The following SUGCT variants were observed in gnomAD, a reference collection of about 807,000 sequenced individuals.
SUGCT encodes the protein succinyl-CoA:glutarate-CoA transferase.
SUGCT carries 41 observed loss-of-function variants against 55.0 expected under a neutral mutation model. That is an observed-to-expected ratio of 0.74 (90% CI 0.58 to 0.97). The LOEUF (loss-of-function observed/expected upper bound fraction) is 0.97. Among genes scored for constraint, SUGCT ranks in the 50% least tolerant of loss-of-function variants. The pLI is 0.00. For synonymous variants in SUGCT, 187 were observed against 200.4 expected (o/e 0.93, Z 0.56); for missense variants, 568 against 547.8 (o/e 1.04, Z -0.37).
At chr7:40,136,350 G>A (rs778638929) in intron 1 of SUGCT, among the ~76,000 whole-genome samples, 2 of 152,132 alleles carry the variant, frequency 1.3e-5, no homozygotes, top group Non-Finnish European at 2.9e-5. Flanking sequence ...ATAGCCTAAC[G>A]GGTAGCCTGG....
At chr7:40,671,053 A>G (rs1025029468) in intron 12 of SUGCT, among the ~76,000 whole-genome samples, 1 of 152,186 alleles carries the variant, frequency 6.6e-6, no homozygotes, top group African/African-American at 2.4e-5. Context: ...CCATGACTAA[A>G]TTGGGTTTAT....
intron 9 of SUGCT, among the ~76,000 whole-genome samples, chr7:40,368,534 A>G (rs756202000): frequency 1.3e-5 from 2 of 152,110 alleles, no homozygotes; most frequent in Non-Finnish European, 2.9e-5. Flanking sequence ...TCTTACTTAC[A>G]CAGAAGCTGA....
At chr7:40,699,562 A>G (rs781249912) in intron 12 of SUGCT, among the ~76,000 whole-genome samples, 1 of 152,196 alleles carries the variant, frequency 6.6e-6, no homozygotes, top group Non-Finnish European at 1.5e-5. Context: ...TTTGAAATAT[A>G]TAAAGGGTGT....
chr7:40,497,231 C>A (rs1792032147), intron 12 of SUGCT, among the ~76,000 whole-genome samples: 1 of 152,086 alleles, frequency 6.6e-6, no homozygotes, highest in African/African-American at 2.4e-5. Context: ...ATATTTATAT[C>A]GTGGCAGGTT....
chr7:40,429,912 T>C (rs959149388), intron 9 of SUGCT, among the ~76,000 whole-genome samples: 2 of 152,208 alleles, frequency 1.3e-5, no homozygotes, highest in Admixed American at 6.5e-5. Context: ...ACATATTAAG[T>C]GAGATTATGC....
the SUGCT span, among the ~76,000 whole-genome samples, chr7:41,003,264 C>G: frequency 1.3e-5 from 2 of 152,022 alleles, no homozygotes; most frequent in Admixed American, 6.6e-5. Flanking sequence ...CAAGCTTGTT[C>G]CATTTACCTT....
intron 13 of SUGCT, among the ~76,000 whole-genome samples, chr7:40,821,100 C>A (rs983998355): frequency 2.1e-4 from 32 of 152,284 alleles, no homozygotes; most frequent in South Asian, 1.7e-3. Flanking sequence ...AACCTTGCAT[C>A]CCAGGGATGA....
chr7:40,366,742 A>AT (rs1440711330), intron 9 of SUGCT, among the ~76,000 whole-genome samples: 1,576 of 149,796 alleles, frequency 0.011, 29 homozygotes, highest in African/African-American at 0.038. Context: ...TTAGAATGGC[A>AT]GTCATTAAAA....
At chr7:40,594,117 T>C (rs1276463004) in intron 12 of SUGCT, among the ~76,000 whole-genome samples, 1 of 151,914 alleles carries the variant, frequency 6.6e-6, no homozygotes, top group Non-Finnish European at 1.5e-5. Flanking sequence ...TAGGTGGGAA[T>C]TGAACAATGA....
At chr7:40,819,205 C>T (rs528669003) in intron 13 of SUGCT, among the ~76,000 whole-genome samples, 43 of 152,154 alleles carry the variant, frequency 2.8e-4, no homozygotes, top group African/African-American at 8.4e-4. Flanking sequence ...GTGAATAGTG[C>T]CGCAATAAAC....
intron 12 of SUGCT, among the ~76,000 whole-genome samples, chr7:40,631,650 T>C (rs1438493572): frequency 1.3e-5 from 2 of 152,228 alleles, no homozygotes; most frequent in East Asian, 3.9e-4. Context: ...GATCGGATTC[T>C]GCCTGCAGAT....
At chr7:40,193,582 G>A (rs1272515159) in intron 5 of SUGCT, among the ~76,000 whole-genome samples, 2 of 151,270 alleles carry the variant, frequency 1.3e-5, no homozygotes, top group African/African-American at 4.9e-5. Context: ...CACTATGCCC[G>A]GCCAATTTAT....
chr7:40,360,453 G>A (rs1174767653), intron 9 of SUGCT, among the ~76,000 whole-genome samples: 3 of 152,172 alleles, frequency 2.0e-5, no homozygotes, highest in African/African-American at 7.2e-5. Context: ...AACAAATGCT[G>A]AGCACCAACA....
the SUGCT span, among the ~76,000 whole-genome samples, chr7:40,887,310 G>A: frequency 6.6e-6 from 1 of 152,218 alleles, no homozygotes; most frequent in Non-Finnish European, 1.5e-5. Flanking sequence ...TTTGGAGACT[G>A]TGTTGGGTAG....
intron 10 of SUGCT, among the ~76,000 whole-genome samples, chr7:40,452,924 A>C (rs1487177379): frequency 2.0e-5 from 3 of 152,174 alleles, no homozygotes; most frequent in Non-Finnish European, 2.9e-5. Flanking sequence ...TAAGAGATTT[A>C]GGGGAGAACA....
At chr7:40,392,601 T>C (rs2151304954) in intron 9 of SUGCT, among the ~76,000 whole-genome samples, 1 of 152,256 alleles carries the variant, frequency 6.6e-6, no homozygotes, top group Middle Eastern at 3.4e-3. Flanking sequence ...TTAAAAAGCT[T>C]GGGCATTATC....
intron 1 of SUGCT, among the ~76,000 whole-genome samples, chr7:40,169,148 C>G (rs559907232): frequency 7.9e-5 from 12 of 152,148 alleles, no homozygotes; most frequent in African/African-American, 2.9e-4. Flanking sequence ...TACCCTTTTT[C>G]CTTCTCCTAA....
intron 12 of SUGCT, among the ~76,000 whole-genome samples, chr7:40,568,442 C>T (rs1449053543): frequency 6.6e-6 from 1 of 152,168 alleles, no homozygotes; most frequent in Non-Finnish European, 1.5e-5. Flanking sequence ...AGATCTTTCT[C>T]AAACAAAACT....
At chr7:40,558,851 TG>T (rs1347355701) in intron 12 of SUGCT, among the ~76,000 whole-genome samples, 2 of 152,250 alleles carry the variant, frequency 1.3e-5, no homozygotes, top group Non-Finnish European at 2.9e-5. Context: ...CTCTGGGACC[TG>T]GATATATGCA....
Sources: allele counts gnomAD v4.1 joint callset (sites outside exome capture counted in the v4.1 genomes callset), GRCh38; gene constraint gnomAD v4.1.1; transcripts MANE v1.5; gene names NCBI Gene and HGNC (gene_info 2026-07-23, HGNC 2026-07-21).